ITGAD: variants seen among roughly 807,000 people sequenced by gnomAD.
ITGAD encodes integrin subunit alpha D, also known as integrin alpha-D.
Under a neutral mutation model 139.0 loss-of-function variants are expected in ITGAD, and 105 were observed. The observed-to-expected ratio is 0.76, with a 90% CI of 0.65 to 0.89. The LOEUF is 0.89. Ranked by LOEUF, ITGAD falls within the 40% of genes least tolerant of loss-of-function variation. The pLI is 0.00. For missense variants in ITGAD, 1,384 were observed against 1,487.3 expected (o/e 0.93, Z 1.14); for synonymous variants, 569 against 598.3 (o/e 0.95, Z 0.71).
rs369984422 is a variant in ITGAD at position 31,410,536 on chromosome 16, C to G, written c.1213+12C>G. ...GGACTCTTACCTGGGTGAGAAACGG[C>G]CAGGGGTTGGGGACAGGTTGGAGAT... On this transcript the variant is annotated intron_variant, in intron 11 of 29. Coordinates refer to ENST00000389202, the MANE Select transcript of ITGAD (RefSeq NM_005353.3). 1.9e-5 allele frequency: 30 copies of G among 1,613,088 alleles called. No homozygotes were observed. In the African/African-American group the frequency reaches 2.9e-4, roughly 16 times the overall value.
Position 31,397,453 on chromosome 16 carries a change from C to A in ITGAD, c.232C>A (p.Pro78Thr), listed in dbSNP as rs1469612680. The A allele has an allele frequency of 1.3e-6, 2 of 1,594,756 alleles. No individual in the cohort carries two copies. Among genetic ancestry groups the A allele is most frequent in the South Asian group, 2.3e-5 (2 of 88,264 alleles). Reference sequence around the variant, plus strand: ...TGCCACCGGCATGTGCCAGCCCATCCCGCTGCACAGTGAGTGACCACCTGG... The same window carrying A: ...TGCCACCGGCATGTGCCAGCCCATCACGCTGCACAGTGAGTGACCACCTGG... ...AAATGMCQPI[P>T]LHIRPEAVNM... The change falls in exon 3 of 30, where the codon CCG becomes ACG. Residue 78 changes from proline to threonine, a missense_variant. Pro to Thr is a conservative substitution (Grantham distance 38). Coordinates refer to ENST00000389202, the MANE Select transcript of ITGAD (RefSeq NM_005353.3).
At position 31,415,004 on chromosome 16, in the gene ITGAD, A is replaced by T; in HGVS notation, c.2283+13A>T. The T allele has an allele frequency of 1.2e-6, 2 of 1,613,610 alleles. No individual in the cohort carries two copies. The highest frequency in any genetic ancestry group is 1.7e-6 in the Non-Finnish European group (2 of 1,179,878). ...CTTCACTGCTTCTGTGAGTCTTCTG[A>T]TGAAGTCCCAGGGATGTGCTGACTT... On this transcript the variant is annotated intron_variant, in intron 18 of 29. Coordinates refer to ENST00000389202, the MANE Select transcript of ITGAD (RefSeq NM_005353.3).
intron 19 of ITGAD, 64 bp from the exon 20 acceptor site, chr16:31,416,441 G>A: frequency 6.4e-7 from 1 of 1,573,598 alleles, no homozygotes; most frequent in Non-Finnish European, 8.7e-7. Flanking sequence ...ATTCTGCCCT[G>A]CCCTTCCCAG....
At chr16:31,405,900 C>A (rs1038367014) in intron 7 of ITGAD, among the ~76,000 whole-genome samples, 3 of 152,140 alleles carry the variant, frequency 2.0e-5, no homozygotes, top group African/African-American at 7.2e-5. Context: ...GCCTCGGCCT[C>A]CCATACTGCT....
rs201420927 is a variant in ITGAD at position 31,397,377 on chromosome 16, C to A, written c.156C>A (p.Pro52=). The A allele has an allele frequency of 1.6e-4, 251 of 1,601,838 alleles. No individual in the cohort carries two copies. The highest frequency in any genetic ancestry group is 1.7e-4 in the Admixed American group (10 of 58,602). The change falls in exon 3 of 30, where the codon CCC becomes CCA. Residue 52 remains proline (P), a synonymous_variant. Coordinates refer to ENST00000389202, the MANE Select transcript of ITGAD (RefSeq NM_005353.3). ...TCTCCAGACTCGTGGTGGGAGCACC[C>A]CTGGAGGTGGTGGCGGCCAACCAGA... ...FGGSRLVVGA[P]LEVVAANQTG...
At position 31,403,272 on chromosome 16, in the gene ITGAD, G is replaced by C. The variant is rs560085362; in HGVS notation, c.559-228G>C. 1 of 471,678 alleles carries C rather than the reference G, an allele frequency of 2.1e-6. No individual in the cohort carries two copies. The highest frequency in any genetic ancestry group is 2.0e-5 in the African/African-American group (1 of 50,852). 29.2% of individuals were successfully genotyped at this position (471,678 alleles called of 1,614,324 possible). On this transcript the variant is annotated intron_variant, in intron 6 of 29. Transcript: ENST00000389202. The surrounding 1 kb of genome is among the most constrained non-coding windows in gnomAD (Gnocchi z 4.4). ...GAGTATTGCTTGAGGCCAAGAGTTC[G>C]AGACCAGCCTGGGCAACATAGTGAG...
At chr16:31,410,309 G>A (rs2081653219) in intron 10 of ITGAD, 86 bp from the exon 11 acceptor site, 6 of 1,574,342 alleles carry the variant, frequency 3.8e-6, no homozygotes, top group South Asian at 2.3e-5. Flanking sequence ...CCTGGATGGC[G>A]AGTGATGCGG....
Position 31,405,640 on chromosome 16 carries a change from C to CT in ITGAD, c.705-1854dup, listed in dbSNP as rs569550173. 8.6e-3 allele frequency among the ~76,000 whole-genome samples: 892 copies of CT among 103,972 alleles called. 4 individuals are homozygous for CT. The highest frequency in any genetic ancestry group is 0.011 in the Middle Eastern group (2 of 182). 68.2% of individuals were successfully genotyped at this position (103,972 alleles called of 152,430 possible). A position where few individuals can be genotyped will look rare whatever the true frequency, so the allele number is the denominator to read the frequency against. ...TCTAGGTCCACAATTTTTTGTTTTC[C>CT]TTTTTTTTTTTTTTTTTTTTTGAGA... On this transcript the variant is annotated intron_variant, in intron 7 of 29. Coordinates refer to ENST00000389202, the MANE Select transcript of ITGAD (RefSeq NM_005353.3).
At chr16:31,405,984 T>A (rs916557252) in intron 7 of ITGAD, among the ~76,000 whole-genome samples, 8 of 152,166 alleles carry the variant, frequency 5.3e-5, no homozygotes, top group Non-Finnish European at 1.2e-4. Context: ...TGTTGGATAT[T>A]TGGGTTATTT....
intron 16 of ITGAD, among the ~76,000 whole-genome samples, chr16:31,414,146 C>A (rs191643534): frequency 2.0e-5 from 3 of 152,126 alleles, no homozygotes; most frequent in Non-Finnish European, 4.4e-5. Flanking sequence ...CATCTATCAC[C>A]TATCTAATCT....
chr16:31,416,031 ATCTTG>A (rs144776519), intron 18 of ITGAD, among the ~76,000 whole-genome samples, 177 bp from the exon 19 acceptor site: 8,370 of 152,276 alleles, frequency 0.055, 302 homozygotes, highest in Middle Eastern at 0.085. Flanking sequence ...GAAGCCAAGG[ATCTTG>A]TCTTATCTTT....
At chr16:31,399,955 G>C (rs1422374296) in intron 5 of ITGAD, among the ~76,000 whole-genome samples, 1 of 152,262 alleles carries the variant, frequency 6.6e-6, no homozygotes, top group African/African-American at 2.4e-5. Context: ...CAGAGCTTGA[G>C]CCATCCTTGC....
chr16:31,395,548 A>G (rs958586195), intron 2 of ITGAD, among the ~76,000 whole-genome samples: 1 of 152,200 alleles, frequency 6.6e-6, no homozygotes, highest in African/African-American at 2.4e-5. Flanking sequence ...GGGACACTAC[A>G]TAGCAAATAA....
At position 31,416,296 on chromosome 16, in the gene ITGAD, A is replaced by T; in HGVS notation, c.2357+10A>T. ...CCCTCAGCTTCTCAGGGTGAGCTGT[A>T]ACTCCCTTCATATCCAGACACTCAG... is the stretch of plus-strand genomic sequence containing the variant. On this transcript the variant is annotated intron_variant, in intron 19 of 29. Transcript: ENST00000389202. 1 of 1,593,916 alleles carries T rather than the reference A, an allele frequency of 6.3e-7. No individual in the cohort carries two copies. Among genetic ancestry groups the T allele is most frequent in the Non-Finnish European group, 8.6e-7 (1 of 1,167,426 alleles).
chr16:31,408,410 C>T lies in ITGAD; in HGVS notation c.1010-15C>T. ...TCATGGCTTCTAGGAACTTCACTGACCTGTTTCCCCACAGGAACCCAGTCC... is the reference window on the plus strand; with the variant it reads ...TCATGGCTTCTAGGAACTTCACTGATCTGTTTCCCCACAGGAACCCAGTCC... On this transcript the variant is annotated splice_polypyrimidine_tract_variant and intron_variant, in intron 9 of 29. Coordinates refer to ENST00000389202, the MANE Select transcript of ITGAD (RefSeq NM_005353.3). The T allele has an allele frequency of 6.2e-7, 1 of 1,612,540 alleles. No individual in the cohort carries two copies. Among genetic ancestry groups the T allele is most frequent in the Non-Finnish European group, 8.5e-7 (1 of 1,178,782 alleles).
In ITGAD at chr16:31,403,838, A is replaced by C; in HGVS notation, c.704+193A>C. ...TCGCTGCCAGTCTCCCTGATATAGGACTAGGCTCCTCTGCAGCTATGCCTC... is the reference window on the plus strand; with the variant it reads ...TCGCTGCCAGTCTCCCTGATATAGGCCTAGGCTCCTCTGCAGCTATGCCTC... On this transcript the variant is annotated intron_variant, in intron 7 of 29. Coordinates refer to ENST00000389202, the MANE Select transcript of ITGAD (RefSeq NM_005353.3). The surrounding 1 kb of genome is among the most constrained non-coding windows in gnomAD (Gnocchi z 4.4). The C allele has an allele frequency of 1.6e-6, 1 of 621,930 alleles. No homozygotes were observed. Among genetic ancestry groups the C allele is most frequent in the Non-Finnish European group, 2.8e-6 (1 of 360,898 alleles). 38.5% of individuals were successfully genotyped at this position (621,930 alleles called of 1,614,324 possible).
At chr16:31,412,464 G>C (rs1421425398) in intron 14 of ITGAD, among the ~76,000 whole-genome samples, 1 of 152,052 alleles carries the variant, frequency 6.6e-6, no homozygotes, top group Non-Finnish European at 1.5e-5. Context: ...ACCTCCCTTT[G>C]ACTTCCGCCA....
chr16:31,425,081 T>C (rs533229825), intron 29 of ITGAD, among the ~76,000 whole-genome samples: 1 of 152,208 alleles, frequency 6.6e-6, no homozygotes, highest in South Asian at 2.1e-4. Flanking sequence ...TCTTTCTTTT[T>C]TTTCTTTTGA....
chr16:31,393,780 C>T (rs2081195807), intron 1 of ITGAD, among the ~76,000 whole-genome samples: 1 of 152,028 alleles, frequency 6.6e-6, no homozygotes, highest in African/African-American at 2.4e-5. Context: ...CCTGACTGCA[C>T]GTAGGGAAGA....
Sources: gnomAD v4.1 joint callset for allele counts (sites outside exome capture counted in the v4.1 genomes callset) on GRCh38, gnomAD v4.1.1 for gene constraint, Gnocchi (gnomAD v3.1) non-coding constraint, MANE v1.5 for transcripts, NCBI Gene and HGNC (gene_info 2026-07-23, HGNC 2026-07-21) for gene names.